The following UBN1 variants were observed in gnomAD, a reference collection of about 807,000 sequenced individuals.
UBN1 encodes ubinuclein 1, also known as ubinuclein-1.
Under a neutral mutation model 108.5 loss-of-function variants are expected in UBN1, and 17 were observed. The observed-to-expected ratio is 0.16, with a 90% CI of 0.11 to 0.24. The LOEUF (loss-of-function observed/expected upper bound fraction) is 0.24. UBN1 is among the 10% of genes least tolerant of loss of function. The probability of loss-of-function intolerance (pLI) is 1.00; values close to 1 mark genes in which losing one functional copy is unlikely to be tolerated. For synonymous variants in UBN1, 726 were observed against 564.2 expected (o/e 1.29, Z -4.07); for missense variants, 1,595 against 1,394.4 (o/e 1.14, Z -2.29).
chr16:4,872,811 C>G (rs2087710824), intron 12 of UBN1, 73 bp from the exon 13 acceptor site: 2 of 1,562,990 alleles, frequency 1.3e-6, no homozygotes. Context: ...ACCAGGGACA[C>G]TAGCAAAGTT....
chr16:4,851,077 A>G (rs182636192), intron 1 of UBN1, among the ~76,000 whole-genome samples: 45 of 152,370 alleles, frequency 3.0e-4, no homozygotes, highest in Admixed American at 2.8e-3. Flanking sequence ...AATATATGCC[A>G]AATCAGCAGA....
intron 7 of UBN1, 59 bp downstream of exon 7, chr16:4,861,161 G>C: frequency 6.6e-7 from 1 of 1,522,164 alleles, no homozygotes; most frequent in South Asian, 1.3e-5. Flanking sequence ...ATTGCTGTTG[G>C]TTCTGCACTG....
chr16:4,859,090 C>G lies in UBN1; in HGVS notation c.498C>G (p.Thr166=). The change falls in exon 5 of 18, where the codon ACC becomes ACG. Residue 166 remains threonine, a synonymous_variant. Transcript: ENST00000262376. The part of the protein sequence containing the change: ...KYGGFYINSG[T]LQFRQASESE... ...GAGGATTTTACATTAACTCGGGAAC[C>G]CTGCAGTTTAGACAAGCATCAGAGT... 7 of 1,614,124 alleles carry G rather than the reference C, an allele frequency of 4.3e-6. No homozygotes were observed. Among genetic ancestry groups the G allele is most frequent in the South Asian group, 1.1e-5 (1 of 91,076 alleles).
At chr16:4,865,918 C>T (rs1211853939) in intron 7 of UBN1, among the ~76,000 whole-genome samples, 4 of 151,944 alleles carry the variant, frequency 2.6e-5, no homozygotes, top group African/African-American at 4.8e-5. Context: ...GCTGAGATCA[C>T]GCCATTGCAC....
intron 7 of UBN1, among the ~76,000 whole-genome samples, chr16:4,861,508 G>A (rs1277032148): frequency 2.0e-5 from 3 of 152,244 alleles, no homozygotes; most frequent in Non-Finnish European, 2.9e-5. Flanking sequence ...CAAGTTACAC[G>A]TAGAGTAGAT....
In UBN1 at chr16:4,849,967, C is replaced by CA. The variant is rs1427006025; in HGVS notation, c.-40+1757_-40+1758insA. On this transcript the variant is annotated intron_variant, in intron 1 of 17. Coordinates refer to ENST00000262376, the MANE Select transcript of UBN1 (RefSeq NM_001079514.3). ...TGTCTCACAAAAAAAAAAAAAAAAA[C>CA]CACAAAAAAAGCTAAAATCTTTCCA... is the stretch of plus-strand genomic sequence containing the variant. 9.4e-4 allele frequency among the ~76,000 whole-genome samples: 111 copies of CA among 117,702 alleles called. 2 individuals carry two copies. The highest frequency in any genetic ancestry group is 3.0e-3 in the African/African-American group (95 of 31,638). 77.2% of individuals were successfully genotyped at this position (117,702 alleles called of 152,430 possible). A position where few individuals can be genotyped will look rare whatever the true frequency, so the allele number is the denominator to read the frequency against.
At chr16:4,853,285 C>G (rs187434764) in intron 2 of UBN1, 119 bp downstream of exon 2, 3 of 1,360,126 alleles carry the variant, frequency 2.2e-6, no homozygotes, top group Non-Finnish European at 3.0e-6. Flanking sequence ...CCCCAAGATC[C>G]TGTCACTCAC....
At chr16:4,853,228 T>G (rs919135894) in intron 2 of UBN1, 62 bp downstream of exon 2, 2 of 1,573,882 alleles carry the variant, frequency 1.3e-6, no homozygotes, top group Non-Finnish European at 8.6e-7. Context: ...TGCATGCATG[T>G]GGGGCTTCCG....
intron 6 of UBN1, 41 bp downstream of exon 6, chr16:4,860,009 T>C (rs2086985234): frequency 1.2e-6 from 2 of 1,611,544 alleles, no homozygotes; most frequent in Non-Finnish European, 1.7e-6. Flanking sequence ...AAGCCTGAAC[T>C]GTTAGGGCAG....
chr16:4,858,871 CT>C, intron 4 of UBN1, 153 bp from the exon 5 acceptor site: 3 of 1,105,190 alleles, frequency 2.7e-6, no homozygotes, highest in Non-Finnish European at 3.9e-6. Context: ...TCCAAAACAC[CT>C]TGTAGCTCAG....
chr16:4,850,129 A>G (rs932199218), intron 1 of UBN1, among the ~76,000 whole-genome samples: 45 of 152,268 alleles, frequency 3.0e-4, no homozygotes, highest in African/African-American at 1.1e-3. Context: ...TGTTAAATAT[A>G]TTGGATTCTC....
At chr16:4,853,954 C>T (rs1822628686) in intron 2 of UBN1, among the ~76,000 whole-genome samples, 2 of 152,182 alleles carry the variant, frequency 1.3e-5, no homozygotes, top group African/African-American at 4.8e-5. Flanking sequence ...AACCCTCCTT[C>T]TGCCCTGCCA....
Position 4,869,496 on chromosome 16 carries a change from T to C in UBN1, c.1181+593T>C, listed in dbSNP as rs377732585. Among the ~76,000 whole-genome samples, 17 of 152,356 alleles carry C rather than the reference T, an allele frequency of 1.1e-4. No homozygotes were observed. In the East Asian group the frequency reaches 1.7e-3, roughly 16 times the overall value. Reference sequence around the variant, plus strand: ...GTGGCCTGGCCTGCAGTGTTGCCGCTTTTCTCCTGGTTGCAGTTTGTGGCA... The same window carrying C: ...GTGGCCTGGCCTGCAGTGTTGCCGCCTTTCTCCTGGTTGCAGTTTGTGGCA... On this transcript the variant is annotated intron_variant, in intron 8 of 17. Transcript: ENST00000262376.
chr16:4,876,724 G>A lies in UBN1; in HGVS notation c.3025-147G>A, dbSNP rs2660225. ...ATCCTGTCTTTGGGGCTGCAGGGTC[G>A]GAGGGTGCCTCCCAGGGCCATCTGA... On this transcript the variant is annotated intron_variant, in intron 15 of 17. Transcript: ENST00000262376. The A allele has an allele frequency of 1.1e-5, 14 of 1,240,006 alleles. No homozygotes were observed. In the East Asian group the frequency reaches 1.5e-4, roughly 13 times the overall value. The allele number at this position is 1,240,006 out of a possible 1,614,324, so 76.8% of individuals were successfully genotyped here. A position where few individuals can be genotyped will look rare whatever the true frequency, so the allele number is the denominator to read the frequency against.
Position 4,881,792 on chromosome 16 carries a change from C to G in UBN1, c.*1660C>G, listed in dbSNP as rs2088082796. 1 of 152,258 alleles carries G rather than the reference C, an allele frequency of 6.6e-6. No homozygotes were observed. Among genetic ancestry groups the G allele is most frequent in the Admixed American group, 6.6e-5 (1 of 15,220 alleles). 9.4% of individuals were successfully genotyped at this position (152,258 alleles called of 1,614,324 possible). On this transcript the variant is annotated 3_prime_UTR_variant, in exon 18 of 18. Coordinates refer to ENST00000262376, the MANE Select transcript of UBN1 (RefSeq NM_001079514.3). Reference sequence around the variant, plus strand: ...ATTTCCAGTTTGTTTACAGAGTAGTCTTAGGTAGTAGCAAAAGAGCCAAAG... The same window carrying G: ...ATTTCCAGTTTGTTTACAGAGTAGTGTTAGGTAGTAGCAAAAGAGCCAAAG...
At chr16:4,857,952 T>G (rs753470351) in intron 2 of UBN1, 38 bp from the exon 3 acceptor site, 72 of 1,463,764 alleles carry the variant, frequency 4.9e-5, no homozygotes, top group Admixed American at 5.5e-5. Flanking sequence ...CATGGGAATA[T>G]TTTCTGACTT....
chr16:4,865,504 G>GA (rs1299746674), intron 7 of UBN1, among the ~76,000 whole-genome samples: 9 of 151,372 alleles, frequency 5.9e-5, no homozygotes, highest in South Asian at 2.1e-4. Flanking sequence ...AACAGAGTGA[G>GA]AAAAAAAAAT....
chr16:4,860,013 A>C, intron 6 of UBN1, 45 bp downstream of exon 6: 1 of 1,609,146 alleles, frequency 6.2e-7, no homozygotes, highest in Non-Finnish European at 8.5e-7. Flanking sequence ...CTGAACTGTT[A>C]GGGCAGGACG....
At chr16:4,855,368 A>T (rs1393685363) in intron 2 of UBN1, among the ~76,000 whole-genome samples, 1 of 152,080 alleles carries the variant, frequency 6.6e-6, no homozygotes, top group Non-Finnish European at 1.5e-5. Context: ...TAATCCCAGC[A>T]CTTTGGGAGT....
Sources: gnomAD v4.1 joint callset for allele counts (sites outside exome capture counted in the v4.1 genomes callset) on GRCh38, gnomAD v4.1.1 for gene constraint, MANE v1.5 for transcripts, NCBI Gene and HGNC (gene_info 2026-07-23, HGNC 2026-07-21) for gene names.